Variants in EHMT1 observed in about 807,000 individuals in gnomAD.
EHMT1 encodes histone-lysine N-methyltransferase EHMT1.
EHMT1 carries 15 observed loss-of-function variants against 147.2 expected under a neutral mutation model. The observed-to-expected ratio is 0.10, with a 90% CI of 0.07 to 0.16. EHMT1 has a LOEUF of 0.16. EHMT1 is among the 10% of genes least tolerant of loss of function. The probability of loss-of-function intolerance (pLI) is 1.00; values close to 1 mark genes in which losing one functional copy is unlikely to be tolerated. For missense variants in EHMT1, 1,587 were observed against 1,772.4 expected (o/e 0.90, Z 1.88); for synonymous variants, 795 against 709.6 (o/e 1.12, Z -1.91).
intron 18 of EHMT1, among the ~76,000 whole-genome samples, chr9:137,811,225 T>C (rs188980312): frequency 2.0e-5 from 3 of 152,224 alleles, no homozygotes; most frequent in Admixed American, 1.3e-4. Flanking sequence ...TTTATAATTA[T>C]GTTATTTTTA....
chr9:137,623,977 A>G (rs1589019720), intron 1 of EHMT1, among the ~76,000 whole-genome samples: 2 of 146,978 alleles, frequency 1.4e-5, no homozygotes, highest in African/African-American at 5.0e-5. Flanking sequence ...GTGCCGCCAT[A>G]CCCGGTTGAT....
chr9:137,659,733 C>G (rs1938874896), intron 1 of EHMT1, among the ~76,000 whole-genome samples: 1 of 151,654 alleles, frequency 6.6e-6, no homozygotes. Flanking sequence ...TGTACCACCA[C>G]ACCTGGCTAA....
intron 1 of EHMT1, among the ~76,000 whole-genome samples, chr9:137,698,383 T>C (rs1189888678): frequency 6.6e-6 from 1 of 152,222 alleles, no homozygotes; most frequent in African/African-American, 2.4e-5. Flanking sequence ...GATTGTAAAA[T>C]GCCATTGTTT....
intron 2 of EHMT1, among the ~76,000 whole-genome samples, chr9:137,712,042 A>G (rs1944783548): frequency 6.6e-6 from 1 of 152,018 alleles, no homozygotes; most frequent in African/African-American, 2.4e-5. Flanking sequence ...CTCTGCCGCT[A>G]CCCCTAGCCG....
At position 137,643,921 on chromosome 9, in the gene EHMT1, C is replaced by A. The variant is rs144646109; in HGVS notation, c.21+24872C>A. Among the ~76,000 whole-genome samples, 145 of 152,322 alleles carry A rather than the reference C, an allele frequency of 9.5e-4. 3 individuals are homozygous for A. In the East Asian group the frequency reaches 0.019, roughly 20 times the overall value. Reference sequence around the variant, plus strand: ...TTTGGGAACTTTGTGATGAGTACTTCATCTGCAGCATGCGTTGTCTTCTCA... The same window carrying A: ...TTTGGGAACTTTGTGATGAGTACTTAATCTGCAGCATGCGTTGTCTTCTCA... On this transcript the variant is annotated intron_variant, in intron 1 of 26. Transcript: ENST00000460843.
intron 1 of EHMT1, among the ~76,000 whole-genome samples, chr9:137,688,211 A>G (rs2134759035): frequency 6.6e-6 from 1 of 152,280 alleles, no homozygotes; most frequent in East Asian, 1.9e-4. Flanking sequence ...TTTAGTAGAG[A>G]CAGGGGTTCA....
intron 1 of EHMT1, among the ~76,000 whole-genome samples, chr9:137,663,592 CTA>C (rs144934502): frequency 0.01 from 1,585 of 152,334 alleles, 12 homozygotes; most frequent in Non-Finnish European, 0.016. Context: ...ACATGTCACA[CTA>C]TTAATAATTT....
chr9:137,679,691 A>C (rs756231198), intron 1 of EHMT1, among the ~76,000 whole-genome samples: 2 of 152,180 alleles, frequency 1.3e-5, no homozygotes, highest in Non-Finnish European at 2.9e-5. Flanking sequence ...TAGAGTTAAG[A>C]GTAAGTAAAG....
chr9:137,706,749 A>G (rs1239489445), intron 1 of EHMT1, among the ~76,000 whole-genome samples: 2 of 151,676 alleles, frequency 1.3e-5, no homozygotes, highest in Non-Finnish European at 2.9e-5. Flanking sequence ...GGCCTCCCAA[A>G]GTGCTGGGAT....
intron 3 of EHMT1, among the ~76,000 whole-genome samples, chr9:137,726,706 C>T (rs1946667685): frequency 6.6e-6 from 1 of 152,366 alleles, no homozygotes; most frequent in South Asian, 2.1e-4. Flanking sequence ...AGCGGATGCA[C>T]CGTTTCACTT....
chr9:137,781,221 C>CCGAGACGTG (rs1951487556), intron 14 of EHMT1, among the ~76,000 whole-genome samples: 3 of 101,878 alleles, frequency 2.9e-5, no homozygotes, highest in Non-Finnish European at 5.3e-5. Flanking sequence ...GGTGACGACG[C>CCGAGACGTG]TGGGACGTGT....
At chr9:137,772,491 ACCTCGTCTGAGGCTCCG>A (rs1011034174) in intron 10 of EHMT1, among the ~76,000 whole-genome samples, 11 of 152,076 alleles carry the variant, frequency 7.2e-5, no homozygotes, top group Non-Finnish European at 1.2e-4. Context: ...AGCTGCATGG[ACCTCGTCTGAGGCTCCG>A]CCTCGCCAGC....
At chr9:137,777,499 T>C (rs1012953414) in intron 12 of EHMT1, 1 of 262,546 alleles carries the variant, frequency 3.8e-6, no homozygotes, top group Non-Finnish European at 7.4e-6. Context: ...GAAAATAAAC[T>C]TCCTTGAAGA....
chr9:137,815,541 A>G, intron 22 of EHMT1: 1 of 320,116 alleles, frequency 3.1e-6, no homozygotes, highest in Non-Finnish European at 6.1e-6. Context: ...GGGTCCCTCC[A>G]CAGTTGAGGA....
chr9:137,667,868 T>G (rs1939856337), intron 1 of EHMT1, among the ~76,000 whole-genome samples: 1 of 152,158 alleles, frequency 6.6e-6, no homozygotes, highest in African/African-American at 2.4e-5. Flanking sequence ...TTTGAGAGTG[T>G]ATGCTGCTTA....
rs1956493751 is a variant in EHMT1, at chr9:137,834,865, T to TGGCCCAGCGTCAGGCCAGCGC, written c.3817_3837dup (p.Arg1273_Gln1279dup). On this transcript the variant is annotated inframe_insertion, in exon 27 of 27. Transcript: ENST00000460843. ...AAGTGCCGGCACTCGAGCGCGGCCC[T>TGGCCCAGCGTCAGGCCAGCGC]GGCCCAGCGTCAGGCCAGCGCGGCC... is the stretch of plus-strand genomic sequence containing the variant. 6.2e-7 allele frequency: 1 copy of TGGCCCAGCGTCAGGCCAGCGC among 1,611,166 alleles called. No homozygotes were observed. Among genetic ancestry groups the TGGCCCAGCGTCAGGCCAGCGC allele is most frequent in the Non-Finnish European group, 8.5e-7 (1 of 1,179,370 alleles).
At chr9:137,811,943 T>A (rs1027970493) in intron 19 of EHMT1, among the ~76,000 whole-genome samples, 11 of 152,012 alleles carry the variant, frequency 7.2e-5, no homozygotes, top group African/African-American at 2.7e-4. Flanking sequence ...CAGCTCAGAG[T>A]CCCCGAGAGG....
chr9:137,630,926 AT>A (rs1843586544), intron 1 of EHMT1, among the ~76,000 whole-genome samples: 1 of 152,076 alleles, frequency 6.6e-6, no homozygotes, highest in South Asian at 2.1e-4. Context: ...GTCCTTGAAG[AT>A]TTTAGGCATG....
At chr9:137,678,036 T>TC in intron 1 of EHMT1, among the ~76,000 whole-genome samples, 1 of 152,000 alleles carries the variant, frequency 6.6e-6, no homozygotes, top group Non-Finnish European at 1.5e-5. Flanking sequence ...GCCACTGCAC[T>TC]CCAGCCTGGG....
Sources: gnomAD v4.1 joint callset for allele counts (sites outside exome capture counted in the v4.1 genomes callset) on GRCh38, gnomAD v4.1.1 for gene constraint, MANE v1.5 for transcripts, NCBI Gene and HGNC (gene_info 2026-07-23, HGNC 2026-07-21) for gene names.